The following MIGA1 variants were observed in gnomAD, a reference collection of about 807,000 sequenced individuals.
MIGA1 encodes the protein mitoguardin 1.
In MIGA1, 58 loss-of-function variants were observed where a neutral mutation model predicts 82.0. The observed-to-expected ratio is 0.71, with a 90% confidence interval of 0.57 to 0.88. The LOEUF is 0.88. Ranked by LOEUF, MIGA1 falls within the 40% of genes least tolerant of loss-of-function variation. The pLI is 0.00. For synonymous variants in MIGA1, 249 were observed against 253.6 expected (o/e 0.98, Z 0.17); for missense variants, 751 against 749.1 (o/e 1.00, Z -0.03).
At chr1:77,872,751 G>A (rs1255719906) in intron 14 of MIGA1, among the ~76,000 whole-genome samples, 2 of 152,152 alleles carry the variant, frequency 1.3e-5, no homozygotes, top group Admixed American at 1.3e-4. Flanking sequence ...CTGACTCTTG[G>A]TTTGCCCTCA....
At chr1:77,848,556 A>G in intron 8 of MIGA1, 2 of 1,331,936 alleles carry the variant, frequency 1.5e-6, no homozygotes, top group Non-Finnish European at 2.1e-6. Context: ...ACAAAATGAG[A>G]AACATGACAA....
chr1:77,858,283 G>C (rs1340406552), intron 8 of MIGA1, among the ~76,000 whole-genome samples: 2 of 151,924 alleles, frequency 1.3e-5, no homozygotes, highest in East Asian at 3.9e-4. Flanking sequence ...GGCGATGGAG[G>C]CTGCATTGAG....
Position 77,793,915 on chromosome 1 carries a change from T to A in MIGA1, c.196-7416T>A, listed in dbSNP as rs914248857. 2.0e-5 allele frequency among the ~76,000 whole-genome samples: 3 copies of A among 150,272 alleles called. No individual in the cohort carries two copies. The Admixed American group carries it at 2.0e-4, about 10-fold the overall frequency. On this transcript the variant is annotated intron_variant, in intron 2 of 15. Coordinates refer to ENST00000370791, the MANE Select transcript of MIGA1 (RefSeq NM_198549.4). ...AATTCTCGTGCTTCAGCCTCCCAAG[T>A]GGTTGGGATTACAGGTGAGCACCAC... is the stretch of plus-strand genomic sequence containing the variant.
At chr1:77,830,214 A>G (rs2101853519) in intron 7 of MIGA1, among the ~76,000 whole-genome samples, 1 of 152,288 alleles carries the variant, frequency 6.6e-6, no homozygotes, top group East Asian at 1.9e-4. Flanking sequence ...TCATAATAGT[A>G]ACCTTTATAT....
rs1438006287 is a variant in MIGA1 at position 77,815,154 on chromosome 1, A to G, written c.818A>G (p.Gln273Arg). The G allele has an allele frequency of 3.1e-6, 5 of 1,606,032 alleles. No individual in the cohort carries two copies. Among genetic ancestry groups the G allele is most frequent in the African/African-American group, 2.7e-5 (2 of 74,796 alleles). The change falls in exon 7 of 16, where the codon CAA becomes CGA. Residue 273 changes from glutamine (Q) to arginine (R), a missense_variant. Coordinates refer to ENST00000370791, the MANE Select transcript of MIGA1 (RefSeq NM_198549.4). ...ATCCATAAACTCGAAGCTCTGCTGCAAAGAGCCTATCGTCTCCAAGAGGAG... is the reference window on the plus strand; with the variant it reads ...ATCCATAAACTCGAAGCTCTGCTGCGAAGAGCCTATCGTCTCCAAGAGGAG...
At chr1:77,793,661 G>A (rs1404883586) in intron 2 of MIGA1, among the ~76,000 whole-genome samples, 1 of 150,786 alleles carries the variant, frequency 6.6e-6, no homozygotes, top group African/African-American at 2.4e-5. Flanking sequence ...ATAGAGATGG[G>A]GTTTCACCAT....
chr1:77,790,380 C>T (rs995117287), intron 2 of MIGA1, among the ~76,000 whole-genome samples: 1 of 152,178 alleles, frequency 6.6e-6, no homozygotes, highest in Non-Finnish European at 1.5e-5. Flanking sequence ...GATTCTCCTG[C>T]CTCAGTCTCC....
intron 7 of MIGA1, among the ~76,000 whole-genome samples, chr1:77,826,983 A>G (rs937875181): frequency 7.6e-5 from 11 of 143,878 alleles, no homozygotes; most frequent in African/African-American, 2.6e-4. Flanking sequence ...TTTTTTGTAT[A>G]TTTAGCTGAA....
chr1:77,832,522 C>T (rs892975530), intron 7 of MIGA1, among the ~76,000 whole-genome samples: 6 of 152,044 alleles, frequency 3.9e-5, no homozygotes, highest in East Asian at 1.9e-4. Flanking sequence ...ATTCATGGAG[C>T]GGGGCTCATG....
At position 77,876,596 on chromosome 1, in the gene MIGA1, C is replaced by T. The variant is rs1297815574; in HGVS notation, c.*1532C>T. 6.6e-6 allele frequency: 1 copy of T among 152,104 alleles called. No homozygotes were observed. Among genetic ancestry groups the T allele is most frequent in the Non-Finnish European group, 1.5e-5 (1 of 68,020 alleles). 9.4% of individuals were successfully genotyped at this position (152,104 alleles called of 1,614,324 possible). A position where few individuals can be genotyped will look rare whatever the true frequency, so the allele number is the denominator to read the frequency against. On this transcript the variant is annotated 3_prime_UTR_variant, in exon 16 of 16. Coordinates refer to ENST00000370791, the MANE Select transcript of MIGA1 (RefSeq NM_198549.4). ...AACTTGGTACAGTGAAATAATTTCT[C>T]CTTTCTCCTTCCTTTTAGTTATTCC...
chr1:77,779,755 G>T lies in MIGA1; in HGVS notation c.81+19G>T. The T allele has an allele frequency of 6.5e-7, 1 of 1,548,912 alleles. No individual in the cohort carries two copies. Among genetic ancestry groups the T allele is most frequent in the South Asian group, 1.2e-5 (1 of 84,300 alleles). ...GCTCCAGGTACAGGGCCAGGGGCGGGGTGGGGTGGAGAGGCGGGCGGGAGG... is the reference window on the plus strand; with the variant it reads ...GCTCCAGGTACAGGGCCAGGGGCGGTGTGGGGTGGAGAGGCGGGCGGGAGG... On this transcript the variant is annotated intron_variant, in intron 1 of 15. Transcript: ENST00000370791.
intron 8 of MIGA1, among the ~76,000 whole-genome samples, chr1:77,855,557 C>T (rs1410709165): frequency 1.3e-5 from 2 of 151,980 alleles, no homozygotes; most frequent in East Asian, 3.9e-4. Context: ...TGGGTCGTCT[C>T]TGATTTTTTT....
chr1:77,822,971 T>G (rs1683882517), intron 7 of MIGA1, among the ~76,000 whole-genome samples: 1 of 150,672 alleles, frequency 6.6e-6, no homozygotes, highest in Non-Finnish European at 1.5e-5. Flanking sequence ...ACCTCCCGAA[T>G]AGTTGGTATT....
intron 1 of MIGA1, among the ~76,000 whole-genome samples, chr1:77,780,867 A>G (rs553070477): frequency 5.3e-5 from 8 of 151,910 alleles, no homozygotes; most frequent in African/African-American, 1.9e-4. Flanking sequence ...AGGTAGTTAG[A>G]ATGCAAAAAT....
At chr1:77,846,886 G>A (rs1416658224) in intron 8 of MIGA1, among the ~76,000 whole-genome samples, 1 of 152,076 alleles carries the variant, frequency 6.6e-6, no homozygotes, top group African/African-American at 2.4e-5. Context: ...GGTGGAGCTT[G>A]CAATGAACTG....
At chr1:77,846,705 T>G (rs1371467273) in intron 8 of MIGA1, among the ~76,000 whole-genome samples, 3 of 151,526 alleles carry the variant, frequency 2.0e-5, no homozygotes, top group Non-Finnish European at 4.4e-5. Context: ...CCCAGCACTT[T>G]GGGAGGCCAA....
At chr1:77,862,946 CAAAA>C (rs533818182) in intron 12 of MIGA1, among the ~76,000 whole-genome samples, 1 of 87,568 alleles carries the variant, frequency 1.1e-5, no homozygotes, top group African/African-American at 4.4e-5. Context: ...GTCTCAGAAG[CAAAA>C]AAAAAAAAAA....
chr1:77,849,743 A>T (rs1684975465), intron 8 of MIGA1, among the ~76,000 whole-genome samples: 1 of 152,162 alleles, frequency 6.6e-6, no homozygotes, highest in Non-Finnish European at 1.5e-5. Context: ...CTTCTATGAA[A>T]GTATGAAGGC....
At chr1:77,807,731 A>T (rs1210182886) in intron 5 of MIGA1, among the ~76,000 whole-genome samples, 1 of 151,978 alleles carries the variant, frequency 6.6e-6, no homozygotes, top group Non-Finnish European at 1.5e-5. Flanking sequence ...GGCTTCCAAC[A>T]TTGTTTGGCT....
Sources: gnomAD v4.1 joint callset for allele counts (sites outside exome capture counted in the v4.1 genomes callset) on GRCh38, gnomAD v4.1.1 for gene constraint, MANE v1.5 for transcripts, NCBI Gene and HGNC (gene_info 2026-07-23, HGNC 2026-07-21) for gene names.